The following ZNF26 variants were observed in gnomAD, a reference collection of about 807,000 sequenced individuals.
ZNF26 encodes the protein epididymis luminal protein 179.
Under a neutral mutation model 54.9 loss-of-function variants are expected in ZNF26, and 32 were observed. The observed-to-expected ratio is 0.58, with a 90% confidence interval of 0.44 to 0.78. The LOEUF (loss-of-function observed/expected upper bound fraction) is 0.78. Among genes scored for constraint, ZNF26 ranks in the 30% least tolerant of loss-of-function variants. ZNF26 has a pLI of 0.00. For missense variants in ZNF26, 524 were observed against 634.0 expected (o/e 0.83, Z 1.86); for synonymous variants, 221 against 209.2 (o/e 1.06, Z -0.49).
intron 1 of ZNF26, among the ~76,000 whole-genome samples, chr12:132,993,919 CTT>C (rs1262100121): frequency 2.0e-5 from 3 of 152,154 alleles, no homozygotes; most frequent in Admixed American, 6.5e-5. Context: ...AGGTCTGTCT[CTT>C]TGTGAGCCTG....
intron 1 of ZNF26, among the ~76,000 whole-genome samples, chr12:132,991,024 A>G (rs974352818): frequency 1.3e-5 from 2 of 151,114 alleles, no homozygotes; most frequent in African/African-American, 2.4e-5. Flanking sequence ...ATGCCCGGCT[A>G]ATTTTTGCGT....
In ZNF26 at chr12:133,011,741, AG is replaced by A; in HGVS notation, c.*262del. 1 of 268,132 alleles carries A rather than the reference AG, an allele frequency of 3.7e-6. No individual in the cohort carries two copies. The highest frequency in any genetic ancestry group is 7.0e-6 in the Non-Finnish European group (1 of 141,966). The allele number at this position is 268,132 out of a possible 1,614,324, so 16.6% of individuals were successfully genotyped here. On this transcript the variant is annotated 3_prime_UTR_variant, in exon 4 of 4. Coordinates refer to ENST00000328654, the MANE Select transcript of ZNF26 (RefSeq NM_019591.4). ...CATGAAGATTCAGAGAATTTACACT[AG>A]GAACACCTTATAAGTTGAATAAATT...
In ZNF26 at chr12:133,021,024, T is replaced by C. The variant is rs1953632560; in HGVS notation, c.*9543T>C. ...AAATTAGGACCCCAACATATCTCTT[T>C]GAGTTGGGGGGACACTACTCAACAC... On this transcript the variant is annotated 3_prime_UTR_variant, in exon 4 of 4. Coordinates refer to ENST00000328654, the MANE Select transcript of ZNF26 (RefSeq NM_019591.4). 1 of 152,158 alleles carries C rather than the reference T, an allele frequency of 6.6e-6. No homozygotes were observed. Among genetic ancestry groups the C allele is most frequent in the African/African-American group, 2.4e-5 (1 of 41,442 alleles). The allele number at this position is 152,158 out of a possible 1,614,324, so 9.4% of individuals were successfully genotyped here.
intron 1 of ZNF26, among the ~76,000 whole-genome samples, chr12:133,003,257 C>CTTT (rs796349481): frequency 3.0e-4 from 40 of 135,336 alleles, no homozygotes; most frequent in East Asian, 8.5e-4. Flanking sequence ...GTTCCCTTTT[C>CTTT]TTTTTTTTTT....
In ZNF26 at chr12:133,012,578, G is replaced by GTTTGT. The variant is rs1953501574; in HGVS notation, c.*1100_*1101insGTTTT. 2.7e-5 allele frequency: 1 copy of GTTTGT among 37,652 alleles called. No homozygotes were observed. The highest frequency in any genetic ancestry group is 1.1e-4 in the African/African-American group (1 of 9,476). 2.3% of individuals were successfully genotyped at this position (37,652 alleles called of 1,614,324 possible). ...ATGTCTTTTGCTTTTTGTTGTTTGGGTTTTTTTTTTTTTTTTTTTTTTTTT... is the reference window on the plus strand; with the variant it reads ...ATGTCTTTTGCTTTTTGTTGTTTGGGTTTGTTTTTTTTTTTTTTTTTTTTTTTTTT... On this transcript the variant is annotated 3_prime_UTR_variant, in exon 4 of 4. Transcript: ENST00000328654.
intron 1 of ZNF26, among the ~76,000 whole-genome samples, chr12:132,996,890 G>GTTTT (rs147892482): frequency 7.3e-6 from 1 of 136,142 alleles, no homozygotes; most frequent in East Asian, 2.1e-4. Context: ...GGTTCTCATG[G>GTTTT]TTTTTTGTTT....
At chr12:132,991,015 T>C (rs1167996425) in intron 1 of ZNF26, among the ~76,000 whole-genome samples, 1 of 151,184 alleles carries the variant, frequency 6.6e-6, no homozygotes, top group Non-Finnish European at 1.5e-5. Flanking sequence ...TGTGCCACCA[T>C]GCCCGGCTAA....
intron 1 of ZNF26, among the ~76,000 whole-genome samples, chr12:132,989,906 G>A (rs1423141277): frequency 6.6e-6 from 1 of 152,186 alleles, no homozygotes; most frequent in East Asian, 1.9e-4. Context: ...TTTCTTGGTA[G>A]ATATTCTCTA....
At position 133,000,719 on chromosome 12, in the gene ZNF26, C is replaced by A. The variant is rs750494832; in HGVS notation, c.34-6323C>A. On this transcript the variant is annotated intron_variant, in intron 1 of 3. Coordinates refer to ENST00000328654, the MANE Select transcript of ZNF26 (RefSeq NM_019591.4). ...GATTACAGGTGTGAGCCACTGTGCC[C>A]GGCCTAATTTTTGTATTTTTAGTAG... is the stretch of plus-strand genomic sequence containing the variant. Among the ~76,000 whole-genome samples, 4 of 151,920 alleles carry A rather than the reference C, an allele frequency of 2.6e-5. No individual in the cohort carries two copies. In the South Asian group the frequency reaches 8.3e-4, roughly 32 times the overall value.
chr12:132,989,028 A>AT (rs150395603), intron 1 of ZNF26, among the ~76,000 whole-genome samples: 30,221 of 78,294 alleles, frequency 0.39, 11,502 homozygotes, highest in East Asian at 0.67. Flanking sequence ...CTTTCGGTGA[A>AT]TTTTTTTTTT....
intron 1 of ZNF26, among the ~76,000 whole-genome samples, chr12:132,993,894 T>C (rs1184136560): frequency 6.6e-6 from 1 of 152,210 alleles, no homozygotes; most frequent in Non-Finnish European, 1.5e-5. Flanking sequence ...GTGAGCATTC[T>C]GTAGGCCCCT....
rs1454086045 is a variant in ZNF26 at position 133,017,667 on chromosome 12, A to G, written c.*6186A>G. ...AGCACCAGTAAAGGGTAATTATGTA[A>G]TAATAAAAGATAGTGCAAGTGCAGA... On this transcript the variant is annotated 3_prime_UTR_variant, in exon 4 of 4. Transcript: ENST00000328654. The G allele has an allele frequency of 1.3e-5, 2 of 152,212 alleles. No individual in the cohort carries two copies. The highest frequency in any genetic ancestry group is 4.8e-5 in the African/African-American group (2 of 41,456). 9.4% of individuals were successfully genotyped at this position (152,212 alleles called of 1,614,324 possible).
Position 133,007,498 on chromosome 12 carries a change from A to T in ZNF26, c.222A>T (p.Ile74=). ...FKLEQGEDPW[I]INAKISRQSC... is the part of the protein sequence containing the mutation. The stretch of plus-strand genomic sequence containing the variant: ...TGGAACAAGGAGAAGATCCATGGAT[A>T]ATAAATGCCAAAATTTCCAGGCAGA... The change falls in exon 3 of 4, where the codon ATA becomes ATT. Residue 74 remains isoleucine (I), a synonymous_variant. Coordinates refer to ENST00000328654, the MANE Select transcript of ZNF26 (RefSeq NM_019591.4). 6.2e-7 allele frequency: 1 copy of T among 1,613,944 alleles called. No individual in the cohort carries two copies. Among genetic ancestry groups the T allele is most frequent in the Non-Finnish European group, 8.5e-7 (1 of 1,179,888 alleles).
In ZNF26 at chr12:133,011,517, C is replaced by A; in HGVS notation, c.*36C>A. Reference sequence around the variant, plus strand: ...TGATGCAATGTGAGAAACTGATGTTCAGGAGACTTCGGATAATATAGACAG... The same window carrying A: ...TGATGCAATGTGAGAAACTGATGTTAAGGAGACTTCGGATAATATAGACAG... On this transcript the variant is annotated 3_prime_UTR_variant, in exon 4 of 4. Transcript: ENST00000328654. 6.6e-7 allele frequency: 1 copy of A among 1,510,618 alleles called. No homozygotes were observed. Among genetic ancestry groups the A allele is most frequent in the Admixed American group, 2.3e-5 (1 of 43,410 alleles). 93.6% of individuals were successfully genotyped at this position (1,510,618 alleles called of 1,614,324 possible). A position where few individuals can be genotyped will look rare whatever the true frequency, so the allele number is the denominator to read the frequency against.
rs1953350400 is a variant in ZNF26 at position 133,007,173 on chromosome 12, G to A, written c.160+5G>A. 4 of 1,613,156 alleles carry A rather than the reference G, an allele frequency of 2.5e-6. No individual in the cohort carries two copies. The African/African-American group carries it at 4.0e-5, about 16-fold the overall frequency. On this transcript the variant is annotated splice_donor_5th_base_variant and intron_variant, in intron 2 of 3. Transcript: ENST00000328654. ...ATCATAACCTGATATCAGTGGGTAA[G>A]TACTGCGTCTCAATGTTACTCAGAT...
Position 133,011,587 on chromosome 12 carries a change from CAG to C in ZNF26, c.*111_*112del. 19 of 1,223,708 alleles carry C rather than the reference CAG, an allele frequency of 1.6e-5. No individual in the cohort carries two copies. Among genetic ancestry groups the C allele is most frequent in the Non-Finnish European group, 2.0e-5 (18 of 913,632 alleles). 75.8% of individuals were successfully genotyped at this position (1,223,708 alleles called of 1,614,324 possible). A position where few individuals can be genotyped will look rare whatever the true frequency, so the allele number is the denominator to read the frequency against. On this transcript the variant is annotated 3_prime_UTR_variant, in exon 4 of 4. Transcript: ENST00000328654. ...CTAAAATTACACTCATGTCAAAAAT[CAG>C]AGAGGAGAGAGACCAACCATATTTG...
Position 133,010,331 on chromosome 12 carries a change from A to G in ZNF26, c.452A>G (p.Asp151Gly). 1.9e-6 allele frequency: 3 copies of G among 1,614,026 alleles called. No individual in the cohort carries two copies. Among genetic ancestry groups the G allele is most frequent in the Non-Finnish European group, 2.5e-6 (3 of 1,180,012 alleles). The stretch of plus-strand genomic sequence containing the variant: ...AGAAGTTATTTAAGAAAGAATCCTG[A>G]TAAGTTTCATGGTTATGAAGAACCA... ...PSRSYLRKNP[D>G]KFHGYEEPYF... Residue 151 changes from aspartate to glycine, a missense_variant, in exon 4 of 4, where the codon GAT (aspartate) becomes GGT (glycine). Coordinates refer to ENST00000328654, the MANE Select transcript of ZNF26 (RefSeq NM_019591.4).
In ZNF26 at chr12:133,020,986, C is replaced by T. The variant is rs1321755871; in HGVS notation, c.*9505C>T. On this transcript the variant is annotated 3_prime_UTR_variant, in exon 4 of 4. Coordinates refer to ENST00000328654, the MANE Select transcript of ZNF26 (RefSeq NM_019591.4). ...GACCCTCTCTCCAAATAAGGCCTCA[C>T]TCTGAGGTATGGAAATTAGGACCCC... 1 of 152,150 alleles carries T rather than the reference C, an allele frequency of 6.6e-6. No homozygotes were observed. Among genetic ancestry groups the T allele is most frequent in the African/African-American group, 2.4e-5 (1 of 41,428 alleles). The allele number at this position is 152,150 out of a possible 1,614,324, so 9.4% of individuals were successfully genotyped here. A position where few individuals can be genotyped will look rare whatever the true frequency, so the allele number is the denominator to read the frequency against.
Position 133,010,572 on chromosome 12 carries a change from A to G in ZNF26, c.693A>G (p.Ser231=). ...TTCATACAGGAGAAAAACCCTACTC[A>G]TGTAGTGAGTGCGAGAAGGTCTTCT... ...QRVHTGEKPY[S]CSECEKVFSF... Residue 231 remains serine (S), a synonymous_variant, in exon 4 of 4, where the codon TCA becomes TCG. Transcript: ENST00000328654. The G allele has an allele frequency of 6.2e-7, 1 of 1,614,140 alleles. No homozygotes were observed. Among genetic ancestry groups the G allele is most frequent in the South Asian group, 1.1e-5 (1 of 91,086 alleles).
Sources: allele counts gnomAD v4.1 joint callset (sites outside exome capture counted in the v4.1 genomes callset), GRCh38; gene constraint gnomAD v4.1.1; transcripts MANE v1.5; gene names NCBI Gene and HGNC (gene_info 2026-07-23, HGNC 2026-07-21).